DMXL2: variants seen among roughly 807,000 people sequenced by gnomAD.
DMXL2 encodes Dmx like 2.
A neutral mutation model predicts 331.1 loss-of-function variants in DMXL2; 103 were observed. That is an observed-to-expected ratio of 0.31 (90% CI 0.27 to 0.37). The LOEUF (loss-of-function observed/expected upper bound fraction) is 0.37. DMXL2 is among the 10% of genes least tolerant of loss of function. DMXL2 has a pLI of 1.00. For synonymous variants in DMXL2, 1,281 were observed against 1,252.1 expected (o/e 1.02, Z -0.49); for missense variants, 3,171 against 3,642.9 (o/e 0.87, Z 3.33).
intron 33 of DMXL2, among the ~76,000 whole-genome samples, chr15:51,461,221 C>CT (rs1201401098): frequency 6.6e-6 from 1 of 152,094 alleles, no homozygotes; most frequent in Non-Finnish European, 1.5e-5. Context: ...TGGGGACCCA[C>CT]TGCTGGAAGA....
intron 16 of DMXL2, among the ~76,000 whole-genome samples, chr15:51,504,620 T>G (rs1182799749): frequency 6.6e-6 from 1 of 152,248 alleles, no homozygotes; most frequent in Non-Finnish European, 1.5e-5. Flanking sequence ...CAATAAATAA[T>G]AATCCTCTTT....
intron 6 of DMXL2, among the ~76,000 whole-genome samples, chr15:51,548,241 CA>C (rs1263199959): frequency 1.3e-5 from 2 of 151,992 alleles, no homozygotes; most frequent in Non-Finnish European, 2.9e-5. Context: ...ATCGCTTATG[CA>C]AAAATATAAC....
chr15:51,465,084 T>G (rs974699479), intron 31 of DMXL2, among the ~76,000 whole-genome samples: 1 of 152,192 alleles, frequency 6.6e-6, no homozygotes, highest in African/African-American at 2.4e-5. Flanking sequence ...TAGAGAGTGA[T>G]TCTTGATATA....
At chr15:51,450,093 G>T in intron 43 of DMXL2, 36 bp downstream of exon 43, 1 of 1,581,616 alleles carries the variant, frequency 6.3e-7, no homozygotes, top group South Asian at 1.1e-5. Context: ...TTTCCAATCA[G>T]TCTTTAGCAC....
At chr15:51,491,526 G>T in intron 20 of DMXL2, 52 bp downstream of exon 20, 3 of 1,516,662 alleles carry the variant, frequency 2.0e-6, no homozygotes, top group East Asian at 2.4e-5. Flanking sequence ...TCTTTTTTTC[G>T]TTAGGAAAAG....
chr15:51,453,173 A>T (rs570924273), intron 41 of DMXL2: 2 of 180,176 alleles, frequency 1.1e-5, no homozygotes, highest in African/African-American at 4.8e-5. Flanking sequence ...AAATCTCAGC[A>T]ATCACCACTA....
At chr15:51,535,929 C>T (rs879133586) in intron 12 of DMXL2, 145 bp from the exon 13 acceptor site, 3 of 1,020,184 alleles carry the variant, frequency 2.9e-6, no homozygotes, top group Non-Finnish European at 4.1e-6. Context: ...TAAGTAGATA[C>T]AAAATTATTA....
intron 27 of DMXL2, among the ~76,000 whole-genome samples, chr15:51,474,855 T>A (rs1322409207): frequency 6.6e-6 from 1 of 152,080 alleles, no homozygotes; most frequent in Non-Finnish European, 1.5e-5. Flanking sequence ...TTTCAACTAA[T>A]ACATAAAATG....
intron 6 of DMXL2, among the ~76,000 whole-genome samples, chr15:51,557,908 T>C (rs1244739715): frequency 1.3e-5 from 2 of 152,206 alleles, no homozygotes. Flanking sequence ...AGATAAAACA[T>C]AAAATGTCCA....
chr15:51,557,213 T>C (rs1275857827), intron 6 of DMXL2, among the ~76,000 whole-genome samples: 1 of 152,206 alleles, frequency 6.6e-6, no homozygotes, highest in Admixed American at 6.5e-5. Flanking sequence ...ATAAAGCCAA[T>C]ATACAAAAAC....
intron 1 of DMXL2, among the ~76,000 whole-genome samples, chr15:51,596,934 G>C (rs540309891): frequency 6.6e-6 from 1 of 152,298 alleles, no homozygotes; most frequent in East Asian, 1.9e-4. Context: ...GGTGGGAGGA[G>C]GGGGGTGGGA....
intron 13 of DMXL2, among the ~76,000 whole-genome samples, chr15:51,530,534 G>A (rs1435516202): frequency 3.3e-5 from 5 of 151,288 alleles, no homozygotes; most frequent in African/African-American, 4.9e-5. Flanking sequence ...AGCAGATCAC[G>A]AGGTCAGGAG....
Position 51,458,494 on chromosome 15 carries a change from T to G in DMXL2, c.8198+12A>C. 6.2e-7 allele frequency: 1 copy of G among 1,612,502 alleles called. No homozygotes were observed. The highest frequency in any genetic ancestry group is 8.5e-7 in the Non-Finnish European group (1 of 1,179,392). ...ACAGAAAACTATATGTAAAAGTGACTATGAGACAAACCTTTTGGATTCTCT... is the reference window on the plus strand; with the variant it reads ...ACAGAAAACTATATGTAAAAGTGACGATGAGACAAACCTTTTGGATTCTCT... On this transcript the variant is annotated intron_variant, in intron 36 of 43. Coordinates refer to ENST00000560891, the MANE Select transcript of DMXL2 (RefSeq NM_001378457.1).
At chr15:51,569,358 C>CA (rs2141082426) in intron 2 of DMXL2, among the ~76,000 whole-genome samples, 1 of 152,274 alleles carries the variant, frequency 6.6e-6, no homozygotes, top group East Asian at 1.9e-4. Context: ...CCACAGCTCC[C>CA]CGAGACAGAG....
intron 6 of DMXL2, among the ~76,000 whole-genome samples, chr15:51,558,932 T>C (rs2049777656): frequency 6.6e-6 from 1 of 152,252 alleles, no homozygotes; most frequent in African/African-American, 2.4e-5. Flanking sequence ...TTTCAATAAT[T>C]TCTTTTGTAA....
At chr15:51,460,319 C>G (rs898560482) in intron 33 of DMXL2, 1 of 985,308 alleles carries the variant, frequency 1.0e-6, no homozygotes, top group African/African-American at 1.7e-5. Flanking sequence ...CCTTTCATCA[C>G]GAAGGGCCAT....
intron 22 of DMXL2, among the ~76,000 whole-genome samples, chr15:51,487,055 G>C (rs951691164): frequency 2.0e-5 from 3 of 151,876 alleles, no homozygotes; most frequent in African/African-American, 7.3e-5. Context: ...AACTGTATTT[G>C]TCCTTTACCT....
intron 31 of DMXL2, 84 bp downstream of exon 31, chr15:51,465,482 G>T: frequency 1.0e-6 from 1 of 957,652 alleles, no homozygotes; most frequent in South Asian, 1.4e-5. Flanking sequence ...AGTACCAAAT[G>T]ACCTTATATA....
intron 1 of DMXL2, 86 bp downstream of exon 1, chr15:51,622,373 G>C (rs1330281324): frequency 6.6e-7 from 1 of 1,514,556 alleles, no homozygotes; most frequent in Non-Finnish European, 8.9e-7. Context: ...ACAGCCTCCT[G>C]AGGAGGCGTG....
Sources: gnomAD v4.1 joint callset for allele counts (sites outside exome capture counted in the v4.1 genomes callset) on GRCh38, gnomAD v4.1.1 for gene constraint, MANE v1.5 for transcripts, NCBI Gene and HGNC (gene_info 2026-07-23, HGNC 2026-07-21) for gene names.